The following WFDC10B variants were observed in gnomAD, a reference collection of about 807,000 sequenced individuals.
WFDC10B encodes protein WFDC10B.
In WFDC10B, 1 loss-of-function variant was observed where a neutral mutation model predicts 2.7. That is an observed-to-expected ratio of 0.38 (90% CI 0.13 to 1.79). WFDC10B has a LOEUF of 1.79. WFDC10B is among the 40% of genes most tolerant of loss of function. The pLI, the probability that WFDC10B is intolerant of heterozygous loss-of-function variation, is 0.33. For synonymous variants in WFDC10B, 26 were observed against 32.2 expected (o/e 0.81, Z 0.65); for missense variants, 71 against 87.8 (o/e 0.81, Z 0.76).
At chr20:45,685,057 C>A in intron 3 of WFDC10B, 97 bp from the exon 4 acceptor site, 2 of 1,508,232 alleles carry the variant, frequency 1.3e-6, no homozygotes, top group Non-Finnish European at 1.8e-6. Context: ...CCAAGGCACC[C>A]CTGCCACCAC....
At chr20:45,695,813 T>C (rs1030230308) in intron 2 of WFDC10B, among the ~76,000 whole-genome samples, 2 of 151,082 alleles carry the variant, frequency 1.3e-5, no homozygotes, top group African/African-American at 4.9e-5. Context: ...AAAAAGACCC[T>C]GTCTCTACAA....
chr20:45,689,300 C>T (rs1419983202), intron 2 of WFDC10B, among the ~76,000 whole-genome samples: 4 of 151,758 alleles, frequency 2.6e-5, no homozygotes, highest in Admixed American at 6.6e-5. Context: ...GTTCTTTTGG[C>T]TTAGGATTGA....
Position 45,688,068 on chromosome 20 carries a change from C to T in WFDC10B, c.-64-2012G>A, listed in dbSNP as rs868803878. Among the ~76,000 whole-genome samples the T allele has an allele frequency of 3.1e-3, 404 of 132,112 alleles. 3 individuals are homozygous for T. Among genetic ancestry groups the T allele is most frequent in the African/African-American group, 0.011 (370 of 35,052 alleles). The allele number at this position is 132,112 out of a possible 152,430, so 86.7% of individuals were successfully genotyped here. A position where few individuals can be genotyped will look rare whatever the true frequency, so the allele number is the denominator to read the frequency against. On this transcript the variant is annotated intron_variant, in intron 2 of 3. Transcript: ENST00000330523. ...GTCCCCAGAGTGTGATGTTCCCCTT[C>T]CTGTGTCCATGTGTTCTCATTGTTC...
chr20:45,693,648 T>C (rs1983889314), intron 2 of WFDC10B, among the ~76,000 whole-genome samples: 1 of 152,142 alleles, frequency 6.6e-6, no homozygotes, highest in South Asian at 2.1e-4. Flanking sequence ...TGGGATATAA[T>C]CTCCTGGTGC....
At chr20:45,702,733 C>T (rs1359531716) in intron 2 of WFDC10B, among the ~76,000 whole-genome samples, 1 of 152,158 alleles carries the variant, frequency 6.6e-6, no homozygotes, top group Admixed American at 6.5e-5. Flanking sequence ...GTACAATTAC[C>T]GGTAATTAGC....
chr20:45,703,311 T>C (rs543665992), intron 2 of WFDC10B, among the ~76,000 whole-genome samples: 1 of 152,148 alleles, frequency 6.6e-6, no homozygotes, highest in South Asian at 2.1e-4. Context: ...CAGGGGTGAG[T>C]ACTAGTTATT....
chr20:45,686,888 T>C (rs2145634021), intron 2 of WFDC10B, among the ~76,000 whole-genome samples: 1 of 152,292 alleles, frequency 6.6e-6, no homozygotes, highest in Non-Finnish European at 1.5e-5. Flanking sequence ...CTTGAACTCC[T>C]GACTTCAATT....
At chr20:45,690,888 T>C (rs1049987708) in intron 2 of WFDC10B, among the ~76,000 whole-genome samples, 3 of 152,196 alleles carry the variant, frequency 2.0e-5, no homozygotes, top group African/African-American at 4.8e-5. Context: ...CTTTTGAATG[T>C]GTTTGCTCTT....
At chr20:45,704,818 G>T in intron 1 of WFDC10B, 100 bp downstream of exon 1, 12 of 1,375,924 alleles carry the variant, frequency 8.7e-6, no homozygotes, top group Non-Finnish European at 1.2e-5. Flanking sequence ...CACCATATCC[G>T]TGAATTTCTG....
chr20:45,688,685 G>A (rs995945727), intron 2 of WFDC10B, among the ~76,000 whole-genome samples: 16 of 133,690 alleles, frequency 1.2e-4, no homozygotes, highest in African/African-American at 3.8e-4. Context: ...TTTTTGATGG[G>A]GTTGTTTGTT....
chr20:45,693,737 T>C (rs1251644026), intron 2 of WFDC10B, among the ~76,000 whole-genome samples: 1 of 152,204 alleles, frequency 6.6e-6, no homozygotes, highest in Non-Finnish European at 1.5e-5. Context: ...CTGTCACCCC[T>C]TTCTTTGACT....
At chr20:45,691,585 T>C (rs1231262368) in intron 2 of WFDC10B, among the ~76,000 whole-genome samples, 4 of 151,576 alleles carry the variant, frequency 2.6e-5, no homozygotes, top group Non-Finnish European at 5.9e-5. Context: ...CCTTTACCAT[T>C]ATGTAATGGC....
intron 2 of WFDC10B, among the ~76,000 whole-genome samples, chr20:45,701,764 CAAAAAAA>C (rs11480724): frequency 1.1e-5 from 1 of 89,178 alleles, no homozygotes; most frequent in African/African-American, 4.6e-5. Context: ...TCCATCATCT[CAAAAAAA>C]AAAAAAAAAA....
chr20:45,703,650 G>A (rs563806578), intron 2 of WFDC10B, among the ~76,000 whole-genome samples: 1 of 152,230 alleles, frequency 6.6e-6, no homozygotes, highest in South Asian at 2.1e-4. Flanking sequence ...GAGATTGTGG[G>A]TTGTGGACTT....
intron 2 of WFDC10B, among the ~76,000 whole-genome samples, chr20:45,701,348 C>A (rs1984152227): frequency 6.6e-6 from 1 of 152,092 alleles, no homozygotes; most frequent in African/African-American, 2.4e-5. Flanking sequence ...TCAGTGAGGT[C>A]AAATAATTGT....
Position 45,684,929 on chromosome 20 carries a change from T to C in WFDC10B, c.123A>G (p.Ile41Met), listed in dbSNP as rs536527680. ...RIKVCEKRPSIDLCIHHCSYF... is the reference protein window; with the variant it reads ...RIKVCEKRPSMDLCIHHCSYF... Reference sequence around the variant, plus strand: ...ATGAACAGTGGTGGATGCATAGATCTATGCTGGGTCGCTTCTCACAGACCT... The same window carrying C: ...ATGAACAGTGGTGGATGCATAGATCCATGCTGGGTCGCTTCTCACAGACCT... The change falls in exon 4 of 4, where the codon ATA becomes ATG. Residue 41 changes from isoleucine (I) to methionine (M), a missense_variant. Ile to Met is a conservative substitution (Grantham distance 10). Transcript: ENST00000330523. 1.9e-6 allele frequency: 3 copies of C among 1,613,986 alleles called. No individual in the cohort carries two copies. The highest frequency in any genetic ancestry group is 1.7e-5 in the Admixed American group (1 of 59,994).
intron 2 of WFDC10B, among the ~76,000 whole-genome samples, chr20:45,690,038 G>A (rs1983756881): frequency 1.3e-5 from 2 of 152,112 alleles, no homozygotes; most frequent in African/African-American, 2.4e-5. Flanking sequence ...TTTATTGAGA[G>A]TTTTTAGCAT....
chr20:45,704,922 A>G lies in WFDC10B; in HGVS notation c.-134T>C. The G allele has an allele frequency of 6.2e-7, 1 of 1,614,026 alleles. No individual in the cohort carries two copies. The highest frequency in any genetic ancestry group is 8.5e-7 in the Non-Finnish European group (1 of 1,179,930). Reference sequence around the variant, plus strand: ...CTTATCCCAGGGACACTGTACCTGCAGGTGTAACCAAAATCCCAAAGCAAA... The same window carrying G: ...CTTATCCCAGGGACACTGTACCTGCGGGTGTAACCAAAATCCCAAAGCAAA... On this transcript the variant is annotated 5_prime_UTR_variant, in exon 1 of 4. Coordinates refer to ENST00000330523, the MANE Select transcript of WFDC10B (RefSeq NM_172006.2).
At chr20:45,688,047 C>T (rs1983684915) in intron 2 of WFDC10B, among the ~76,000 whole-genome samples, 1 of 128,182 alleles carries the variant, frequency 7.8e-6, no homozygotes, top group Non-Finnish European at 1.6e-5. Flanking sequence ...ACAACAGTCC[C>T]CAGAGTGTGA....
Sources: gnomAD v4.1 joint callset for allele counts (sites outside exome capture counted in the v4.1 genomes callset) on GRCh38, gnomAD v4.1.1 for gene constraint, MANE v1.5 for transcripts, NCBI Gene and HGNC (gene_info 2026-07-23, HGNC 2026-07-21) for gene names.